The following TBC1D8 variants were observed in gnomAD, a reference collection of about 807,000 sequenced individuals.
The protein encoded by TBC1D8 is BUB2-like protein 1.
Under a neutral mutation model 118.8 loss-of-function variants are expected in TBC1D8, and 65 were observed. That is an observed-to-expected ratio of 0.55 (90% CI 0.45 to 0.67). The LOEUF is 0.67. Ranked by LOEUF, TBC1D8 falls within the 30% of genes least tolerant of loss-of-function variation. The probability of loss-of-function intolerance (pLI) is 0.00; values close to 1 mark genes in which losing one functional copy is unlikely to be tolerated. For missense variants in TBC1D8, 1,376 were observed against 1,471.2 expected (o/e 0.94, Z 1.06); for synonymous variants, 566 against 595.8 (o/e 0.95, Z 0.73).
intron 2 of TBC1D8, among the ~76,000 whole-genome samples, chr2:101,073,653 T>C (rs1674621687): frequency 6.6e-6 from 1 of 152,242 alleles, no homozygotes. Flanking sequence ...CGAGCTCTGC[T>C]GGACCTTCTG....
chr2:101,045,711 C>T (rs1272313410), intron 5 of TBC1D8, among the ~76,000 whole-genome samples: 2 of 152,180 alleles, frequency 1.3e-5, no homozygotes, highest in East Asian at 1.9e-4. Flanking sequence ...CCCAGAGACC[C>T]GTGGCTGGGA....
chr2:101,032,674 G>A (rs1050372422), intron 10 of TBC1D8: 6 of 332,420 alleles, frequency 1.8e-5, no homozygotes, highest in South Asian at 7.0e-5. Flanking sequence ...CCAGCTATTC[G>A]CTGTTTGTTC....
chr2:101,129,637 G>A (rs977996856), intron 1 of TBC1D8, among the ~76,000 whole-genome samples: 12 of 151,684 alleles, frequency 7.9e-5, no homozygotes, highest in Non-Finnish European at 1.3e-4. Flanking sequence ...AGTCCGTGGC[G>A]GCTCACACCT....
chr2:101,050,931 G>C (rs540223124), intron 4 of TBC1D8, among the ~76,000 whole-genome samples: 2 of 152,104 alleles, frequency 1.3e-5, no homozygotes, highest in South Asian at 4.1e-4. Flanking sequence ...CCTCAAATGG[G>C]TGCCTATGTC....
intron 1 of TBC1D8, among the ~76,000 whole-genome samples, chr2:101,124,326 T>C (rs953164885): frequency 3.9e-5 from 6 of 152,230 alleles, no homozygotes; most frequent in Admixed American, 1.3e-4. Flanking sequence ...AGTGGGTGAC[T>C]AAGACAAGCT....
chr2:101,089,467 C>A (rs1425451822), intron 2 of TBC1D8, among the ~76,000 whole-genome samples: 1 of 151,724 alleles, frequency 6.6e-6, no homozygotes, highest in Non-Finnish European at 1.5e-5. Flanking sequence ...ATAAAAGGGT[C>A]TTCTCAAGAA....
chr2:101,144,384 G>C (rs1444803595), intron 1 of TBC1D8, among the ~76,000 whole-genome samples: 1 of 152,118 alleles, frequency 6.6e-6, no homozygotes, highest in African/African-American at 2.4e-5. Flanking sequence ...ACAAGAATTA[G>C]CCAGATGCTT....
Position 101,107,269 on chromosome 2 carries a change from G to A in TBC1D8, c.128-16905C>T, listed in dbSNP as rs1168758408. On this transcript the variant is annotated intron_variant, in intron 1 of 19. Transcript: ENST00000409318. ...CAAAGGGTTACTGCAATGGTTAATT[G>A]TAGGTGTCAACTTGACTGGGCTAAG... 3.3e-5 allele frequency among the ~76,000 whole-genome samples: 5 copies of A among 152,304 alleles called. No individual in the cohort carries two copies. The East Asian group carries it at 7.7e-4, about 24-fold the overall frequency.
chr2:101,033,889 T>C (rs1196807592), intron 9 of TBC1D8, 131 bp from the exon 10 acceptor site: 13 of 1,092,324 alleles, frequency 1.2e-5, no homozygotes, highest in Admixed American at 5.5e-5. Context: ...ATTGGCCGGG[T>C]GCGGTGGCTC....
intron 17 of TBC1D8, among the ~76,000 whole-genome samples, chr2:101,016,902 C>T (rs1356803267): frequency 6.6e-6 from 1 of 150,390 alleles, no homozygotes; most frequent in Non-Finnish European, 1.5e-5. Context: ...TGAAGGGGAA[C>T]ATCACACTCT....
intron 1 of TBC1D8, among the ~76,000 whole-genome samples, chr2:101,113,840 T>C (rs964813256): frequency 6.6e-6 from 1 of 152,222 alleles, no homozygotes; most frequent in African/African-American, 2.4e-5. Context: ...TTCCGGCTCC[T>C]CACGCAGGAA....
intron 1 of TBC1D8, among the ~76,000 whole-genome samples, chr2:101,133,996 G>A (rs1463977592): frequency 6.6e-6 from 1 of 152,094 alleles, no homozygotes; most frequent in African/African-American, 2.4e-5. Flanking sequence ...GAACAGCATG[G>A]AGGAAAACCA....
At chr2:101,109,906 C>T (rs1677486061) in intron 1 of TBC1D8, 1 of 985,506 alleles carries the variant, frequency 1.0e-6, no homozygotes, top group African/African-American at 1.7e-5. Context: ...TGCTGCATCT[C>T]CAGGAATGAG....
chr2:101,094,737 C>T (rs1351147691), intron 1 of TBC1D8, among the ~76,000 whole-genome samples: 5 of 152,196 alleles, frequency 3.3e-5, no homozygotes, highest in Non-Finnish European at 7.3e-5. Context: ...GAGCAGCCAT[C>T]AGAAAGCCAC....
At position 101,071,550 on chromosome 2, in the gene TBC1D8, C is replaced by T. The variant is rs568419337; in HGVS notation, c.284-12011G>A. On this transcript the variant is annotated intron_variant, in intron 2 of 19. Transcript: ENST00000409318. ...GAGAATAACTTTCTATAACACTAAC[C>T]ATTATTTGATAATAGAACTTAAGAA... Among the ~76,000 whole-genome samples, 232 of 152,184 alleles carry T rather than the reference C, an allele frequency of 1.5e-3. 1 individual carries two copies. The highest frequency in any genetic ancestry group is 6.8e-3 in the Middle Eastern group (2 of 294).
chr2:101,084,220 G>A (rs1675446659), intron 2 of TBC1D8, among the ~76,000 whole-genome samples: 1 of 152,178 alleles, frequency 6.6e-6, no homozygotes. Context: ...AAACGTCATG[G>A]CAGGCAATTT....
At chr2:101,069,470 C>T (rs1346959996) in intron 2 of TBC1D8, among the ~76,000 whole-genome samples, 5 of 152,008 alleles carry the variant, frequency 3.3e-5, no homozygotes, top group African/African-American at 4.8e-5. Flanking sequence ...CCTGTAATCC[C>T]AGCTACTCAG....
intron 1 of TBC1D8, among the ~76,000 whole-genome samples, chr2:101,102,527 G>T (rs1676913201): frequency 6.9e-6 from 1 of 144,956 alleles, no homozygotes; most frequent in Non-Finnish European, 1.5e-5. Context: ...TTTCAGAGTG[G>T]ATTAAAAACC....
intron 2 of TBC1D8, among the ~76,000 whole-genome samples, chr2:101,070,354 A>C (rs1349626801): frequency 6.6e-6 from 1 of 151,338 alleles, no homozygotes; most frequent in Admixed American, 6.6e-5. Flanking sequence ...ATACTATTAA[A>C]TATCTTGTGT....
Sources: gnomAD v4.1 joint callset for allele counts (sites outside exome capture counted in the v4.1 genomes callset) on GRCh38, gnomAD v4.1.1 for gene constraint, MANE v1.5 for transcripts, NCBI Gene and HGNC (gene_info 2026-07-23, HGNC 2026-07-21) for gene names.